AGAP1: variants seen among roughly 807,000 people sequenced by gnomAD.
The protein encoded by AGAP1 is arf-GAP with GTPase, ANK repeat and PH domain-containing protein 1.
In AGAP1, 29 loss-of-function variants were observed where a neutral mutation model predicts 105.3. That is an observed-to-expected ratio of 0.28 (90% CI 0.21 to 0.38). The LOEUF is 0.38. Among genes scored for constraint, AGAP1 ranks in the 10% least tolerant of loss-of-function variants. AGAP1 has a pLI of 1.00. For synonymous variants in AGAP1, 509 were observed against 485.9 expected, an observed-to-expected ratio of 1.05 and a Z score of -0.63; for missense variants, 998 against 1,165.1, an observed-to-expected ratio of 0.86 and a Z score of 2.09.
rs895064555 is a variant in AGAP1, at chr2:235,599,554, G to A, written c.163+104705G>A. Among the ~76,000 whole-genome samples, 1 of 150,468 alleles carries A rather than the reference G, an allele frequency of 6.6e-6. No individual in the cohort carries two copies. Among genetic ancestry groups the A allele is most frequent in the African/African-American group, 2.5e-5 (1 of 40,100 alleles). On this transcript the variant is annotated intron_variant, in intron 1 of 17. Coordinates refer to ENST00000304032, the MANE Select transcript of AGAP1 (RefSeq NM_001037131.3). This position sits in a 1 kb window ranked among gnomAD's most constrained non-coding sequence, Gnocchi z 5.3. ...TTTATAAAAAGCCCCCACCAAGTCA[G>A]GATTTGTCCAGAATGGTCACTCTGC...
At chr2:235,794,326 G>C (rs1242166067) in intron 6 of AGAP1, among the ~76,000 whole-genome samples, 1 of 152,164 alleles carries the variant, frequency 6.6e-6, no homozygotes, top group East Asian at 1.9e-4. Context: ...TAAATTGGTA[G>C]TGTCAGTAGT....
chr2:235,687,341 T>A (rs956693436), intron 1 of AGAP1, among the ~76,000 whole-genome samples: 1 of 152,190 alleles, frequency 6.6e-6, no homozygotes, highest in African/African-American at 2.4e-5. Context: ...TTCCATCAGG[T>A]GTAATGATTT....
chr2:236,052,820 ACAGAGCAATG>A (rs2057942622), intron 16 of AGAP1, among the ~76,000 whole-genome samples: 1 of 152,132 alleles, frequency 6.6e-6, no homozygotes, highest in Non-Finnish European at 1.5e-5. Flanking sequence ...ACGTTAGAAA[ACAGAGCAATG>A]CTACAACAAT....
At chr2:236,081,409 G>A (rs1385159256) in intron 16 of AGAP1, among the ~76,000 whole-genome samples, 4 of 152,184 alleles carry the variant, frequency 2.6e-5, no homozygotes, top group Non-Finnish European at 5.9e-5. Context: ...CGCTGCATTT[G>A]GACGGACACT....
chr2:235,704,741 C>G (rs1211207534), intron 1 of AGAP1, among the ~76,000 whole-genome samples: 1 of 152,156 alleles, frequency 6.6e-6, no homozygotes, highest in African/African-American at 2.4e-5. Context: ...TAGTCTAGGG[C>G]GAGCAGGCTC....
intron 1 of AGAP1, among the ~76,000 whole-genome samples, chr2:235,519,057 A>G (rs1450034705): frequency 1.3e-5 from 2 of 152,160 alleles, no homozygotes; most frequent in East Asian, 1.9e-4. Flanking sequence ...GACAAGAATC[A>G]TATCATTTGG....
intron 9 of AGAP1, among the ~76,000 whole-genome samples, chr2:235,861,714 A>G (rs2048933679): frequency 6.6e-6 from 1 of 152,112 alleles, no homozygotes; most frequent in African/African-American, 2.4e-5. Flanking sequence ...AGAAAGACCC[A>G]CTGTGTCCCT....
intron 1 of AGAP1, among the ~76,000 whole-genome samples, chr2:235,677,401 G>T (rs1379923127): frequency 6.6e-6 from 1 of 152,158 alleles, no homozygotes; most frequent in African/African-American, 2.4e-5. Context: ...CCTTATCTAA[G>T]AAATGAAGAT....
chr2:235,773,910 G>C (rs1335787650), intron 6 of AGAP1: 1 of 454,458 alleles, frequency 2.2e-6, no homozygotes, highest in Non-Finnish European at 4.5e-6. Flanking sequence ...TCTTGCTTGA[G>C]ATATTTTACG....
chr2:235,513,011 T>G (rs912270313), intron 1 of AGAP1, among the ~76,000 whole-genome samples: 16 of 152,216 alleles, frequency 1.1e-4, no homozygotes, highest in African/African-American at 3.9e-4. Context: ...CTGGTCAAGT[T>G]TATCCTGACC....
intron 12 of AGAP1, among the ~76,000 whole-genome samples, chr2:235,933,642 C>A (rs1413802436): frequency 6.6e-6 from 1 of 151,332 alleles, no homozygotes; most frequent in Admixed American, 6.6e-5. Context: ...AAGCAGTTCT[C>A]CTGCCTCAGG....
chr2:235,553,334 G>T lies in AGAP1; in HGVS notation c.163+58485G>T, dbSNP rs1242393696. 2.7e-5 allele frequency among the ~76,000 whole-genome samples: 4 copies of T among 150,862 alleles called. No individual in the cohort carries two copies. The highest frequency in any genetic ancestry group is 4.9e-5 in the African/African-American group (2 of 41,028). On this transcript the variant is annotated intron_variant, in intron 1 of 17. Coordinates refer to ENST00000304032, the MANE Select transcript of AGAP1 (RefSeq NM_001037131.3). The surrounding 1 kb of genome is among the most constrained non-coding windows in gnomAD (Gnocchi z 4.5). ...GGCAGTGGGGGTCAGAGGAAGTTGG[G>T]TTTTTTTTTGTCTTGGTCAGGTCAC...
chr2:235,799,395 A>C lies in AGAP1; in HGVS notation c.830A>C (p.Asp277Ala). Reference sequence around the variant, plus strand: ...AGTAATGGAGGTGGGAGTTTAAGCGACTATTCCTCCTCCGTTCCATCGACT... The same window carrying C: ...AGTAATGGAGGTGGGAGTTTAAGCGCCTATTCCTCCTCCGTTCCATCGACT... Reference protein sequence around the residue: ...QTSNGGGSLSDYSSSVPSTPS... With the variant: ...QTSNGGGSLSAYSSSVPSTPS... Residue 277 changes from aspartate to alanine, a missense_variant, in exon 8 of 18, where the codon GAC becomes GCC. Physicochemically the swap from Asp to Ala is moderately radical, Grantham distance 126. This residue lies in a region of AGAP1 where 735 missense variants were observed against 833.4 expected (regional missense o/e 0.88). Transcript: ENST00000304032. The surrounding 1 kb of genome is among the most constrained non-coding windows in gnomAD (Gnocchi z 5.0). The C allele has an allele frequency of 6.2e-7, 1 of 1,614,062 alleles. No homozygotes were observed. The highest frequency in any genetic ancestry group is 1.3e-5 in the African/African-American group (1 of 75,004).
intron 1 of AGAP1, among the ~76,000 whole-genome samples, chr2:235,632,446 C>T (rs907445450): frequency 7.9e-5 from 12 of 152,200 alleles, no homozygotes; most frequent in Admixed American, 5.9e-4. Context: ...ACGTCCATTA[C>T]GCTTGCAGTA....
At position 236,120,765 on chromosome 2, in the gene AGAP1, A is replaced by C. The variant is rs2059879743; in HGVS notation, c.2370+318A>C. 6.6e-6 allele frequency among the ~76,000 whole-genome samples: 1 copy of C among 152,184 alleles called. No homozygotes were observed. The highest frequency in any genetic ancestry group is 6.5e-5 in the Admixed American group (1 of 15,284). On this transcript the variant is annotated intron_variant, in intron 17 of 17. Transcript: ENST00000304032. This position sits in a 1 kb window ranked among gnomAD's most constrained non-coding sequence, Gnocchi z 6.0. ...GCGGTGTATTAACGGGATGGCTTGT[A>C]GGGTTTCCCCATTTCCAAACCTTTG...
chr2:235,744,143 G>A lies in AGAP1; in HGVS notation c.397-555G>A, dbSNP rs1423979522. Among the ~76,000 whole-genome samples, 1 of 152,194 alleles carries A rather than the reference G, an allele frequency of 6.6e-6. No individual in the cohort carries two copies. The highest frequency in any genetic ancestry group is 2.4e-5 in the African/African-American group (1 of 41,446). ...AATAAGTAGTCATTTCTTTGCAGAG[G>A]TGCAGCAGGAGTTCAGCCAAGGATG... On this transcript the variant is annotated intron_variant, in intron 4 of 17. Coordinates refer to ENST00000304032, the MANE Select transcript of AGAP1 (RefSeq NM_001037131.3). The surrounding 1 kb of genome is among the most constrained non-coding windows in gnomAD (Gnocchi z 5.2).
intron 1 of AGAP1, among the ~76,000 whole-genome samples, chr2:235,528,619 G>T (rs539207514): frequency 4.5e-4 from 68 of 152,212 alleles, no homozygotes; most frequent in African/African-American, 1.6e-3. Context: ...TCATATAGTA[G>T]CTGTAGGAGA....
chr2:235,901,710 A>G lies in AGAP1; in HGVS notation c.1156-7028A>G, dbSNP rs1379051156. Among the ~76,000 whole-genome samples the G allele has an allele frequency of 1.3e-5, 2 of 152,150 alleles. No individual in the cohort carries two copies. Among genetic ancestry groups the G allele is most frequent in the African/African-American group, 2.4e-5 (1 of 41,430 alleles). ...AGTCTGGCCAACATGGTGAAACCCC[A>G]TCTCTACTAAAACTACAGAAATTAG... On this transcript the variant is annotated intron_variant, in intron 10 of 17. Coordinates refer to ENST00000304032, the MANE Select transcript of AGAP1 (RefSeq NM_001037131.3). The surrounding 1 kb of genome is among the most constrained non-coding windows in gnomAD (Gnocchi z 4.3).
rs183650335 is a variant in AGAP1 at position 235,529,421 on chromosome 2, G to A, written c.163+34572G>A. ...ATTAAAGTGGCAAATAGTGAATCCA[G>A]GTTTGGTGTCCAGGGGTGCCTGATC... On this transcript the variant is annotated intron_variant, in intron 1 of 17. Transcript: ENST00000304032. Among the ~76,000 whole-genome samples the A allele has an allele frequency of 3.7e-4, 56 of 152,320 alleles. 1 individual carries two copies. In the East Asian group the frequency reaches 0.011, roughly 29 times the overall value.
Sources: gnomAD v4.1 joint callset for allele counts (sites outside exome capture counted in the v4.1 genomes callset) on GRCh38, gnomAD v4.1.1 for gene constraint, gnomAD v4.1.1 regional missense constraint, Gnocchi (gnomAD v3.1) non-coding constraint, MANE v1.5 for transcripts, NCBI Gene and HGNC (gene_info 2026-07-23, HGNC 2026-07-21) for gene names.